SPAG9: variants seen among roughly 807,000 people sequenced by gnomAD.
SPAG9 encodes the protein sperm associated antigen 9.
SPAG9 carries 35 observed loss-of-function variants against 166.5 expected under a neutral mutation model. That is an observed-to-expected ratio of 0.21 (90% CI 0.16 to 0.28). SPAG9 has a LOEUF of 0.28. SPAG9 is among the 10% of genes least tolerant of loss of function. SPAG9 has a pLI of 1.00. For synonymous variants in SPAG9, 534 were observed against 565.5 expected (o/e 0.94, Z 0.79); for missense variants, 1,235 against 1,603.3 (o/e 0.77, Z 3.92).
intron 4 of SPAG9, among the ~76,000 whole-genome samples, chr17:51,041,933 T>C (rs753776986): frequency 1.3e-5 from 2 of 152,166 alleles, no homozygotes; most frequent in Non-Finnish European, 2.9e-5. Flanking sequence ...AAGCAGTCAG[T>C]GGTCTAGTGT....
At chr17:50,971,459 CTTTTTTTTTTTTT>C (rs71353691) in intron 28 of SPAG9, among the ~76,000 whole-genome samples, 6 of 89,872 alleles carry the variant, frequency 6.7e-5, no homozygotes, top group African/African-American at 9.2e-5. Flanking sequence ...TTCAAACTAC[CTTTTTTTTTTTTT>C]TTTTTTTTTT....
At chr17:51,013,740 A>G (rs888727838) in intron 9 of SPAG9, among the ~76,000 whole-genome samples, 2 of 152,220 alleles carry the variant, frequency 1.3e-5, no homozygotes, top group African/African-American at 2.4e-5. Context: ...AAACTTTAAA[A>G]TGATTATATT....
rs372704956 is a variant in SPAG9, at chr17:51,051,388, G to A, written c.496-3919C>T. 8.5e-5 allele frequency among the ~76,000 whole-genome samples: 13 copies of A among 152,248 alleles called. No homozygotes were observed. The East Asian group carries it at 9.7e-4, about 11-fold the overall frequency. ...CTCCCAAAGTGCTGGGATAACAGGC[G>A]TGAGCCACTGCACTCGGCCAAGGTG... is the stretch of plus-strand genomic sequence containing the variant. On this transcript the variant is annotated intron_variant, in intron 3 of 29. Transcript: ENST00000262013.
chr17:51,079,865 T>C (rs550341347), intron 1 of SPAG9, among the ~76,000 whole-genome samples, 161 bp from the exon 2 acceptor site: 15 of 152,310 alleles, frequency 9.8e-5, no homozygotes, highest in African/African-American at 3.4e-4. Context: ...AAAATTAAGT[T>C]TAAAAAACTC....
intron 3 of SPAG9, among the ~76,000 whole-genome samples, chr17:51,053,657 C>A (rs759145781): frequency 6.6e-6 from 1 of 150,750 alleles, no homozygotes. Flanking sequence ...TGCACTCCAG[C>A]CTGGGTGACA....
intron 1 of SPAG9, among the ~76,000 whole-genome samples, chr17:51,107,016 C>A (rs1213276043): frequency 6.6e-6 from 1 of 151,218 alleles, no homozygotes; most frequent in Non-Finnish European, 1.5e-5. Flanking sequence ...GCAGAAGAAT[C>A]GCTTGAACCC....
chr17:51,117,708 C>CAAAAAAAAAAAAAAAAAAAAAAAAAA (rs397856959), intron 1 of SPAG9, among the ~76,000 whole-genome samples: 1 of 41,726 alleles, frequency 2.4e-5, no homozygotes, highest in Non-Finnish European at 3.9e-5. Context: ...GACTCCGTCT[C>CAAAAAAAAAAAAAAAAAAAAAAAAAA]AAAAAAAAAA....
At chr17:51,005,933 G>T in intron 11 of SPAG9, 152 bp downstream of exon 11, 1 of 703,040 alleles carries the variant, frequency 1.4e-6, no homozygotes, top group Non-Finnish European at 2.5e-6. Flanking sequence ...CACAGCAGAG[G>T]CAATGGGCTG....
intron 1 of SPAG9, among the ~76,000 whole-genome samples, chr17:51,081,479 C>T (rs1391639815): frequency 6.6e-6 from 1 of 151,970 alleles, no homozygotes; most frequent in Non-Finnish European, 1.5e-5. Flanking sequence ...AGCAGTGACT[C>T]ATGCCTGTAA....
chr17:51,075,855 G>A (rs369807530), intron 2 of SPAG9, among the ~76,000 whole-genome samples: 6 of 151,964 alleles, frequency 3.9e-5, no homozygotes, highest in African/African-American at 1.4e-4. Context: ...CAGCACTTCA[G>A]GAGGCCGAGG....
At chr17:50,979,972 T>A (rs541022406) in intron 25 of SPAG9, 55 bp from the exon 26 acceptor site, 2 of 1,550,436 alleles carry the variant, frequency 1.3e-6, no homozygotes, top group African/African-American at 2.7e-5. Context: ...ATTTCATATT[T>A]AAAACTGTGC....
intron 4 of SPAG9, among the ~76,000 whole-genome samples, chr17:51,042,937 C>A (rs1243983469): frequency 6.6e-6 from 1 of 152,194 alleles, no homozygotes; most frequent in Non-Finnish European, 1.5e-5. Context: ...GTTGCCCAGA[C>A]TGAAGTACAG....
intron 3 of SPAG9, among the ~76,000 whole-genome samples, chr17:51,050,689 A>G (rs774560855): frequency 1.3e-4 from 20 of 152,264 alleles, no homozygotes; most frequent in Non-Finnish European, 2.6e-4. Flanking sequence ...TAACAATTTA[A>G]ATATTAATAA....
At chr17:50,979,554 C>T (rs1178420289) in intron 26 of SPAG9, among the ~76,000 whole-genome samples, 192 bp downstream of exon 26, 1 of 151,520 alleles carries the variant, frequency 6.6e-6, no homozygotes, top group East Asian at 1.9e-4. Flanking sequence ...GTCCCAGCTA[C>T]TCCGGAGGCT....
rs181471845 is a variant in SPAG9 at position 51,100,032 on chromosome 17, G to A, written c.303+20322C>T. ...AGACAATCACTTGAACCTGGGAGGCGGGAGTTGCAATGGACCGAGATTGTG... is the reference window on the plus strand; with the variant it reads ...AGACAATCACTTGAACCTGGGAGGCAGGAGTTGCAATGGACCGAGATTGTG... On this transcript the variant is annotated intron_variant, in intron 1 of 29. Transcript: ENST00000262013. Among the ~76,000 whole-genome samples, 1,125 of 152,124 alleles carry A rather than the reference G, an allele frequency of 7.4e-3. 6 individuals are homozygous for A. Among genetic ancestry groups the A allele is most frequent in the South Asian group, 0.014 (67 of 4,820 alleles).
intron 23 of SPAG9, 89 bp downstream of exon 23, chr17:50,985,609 G>C (rs753645460): frequency 2.9e-6 from 2 of 692,120 alleles, no homozygotes; most frequent in Non-Finnish European, 4.9e-6. Context: ...ATTTAGTCGT[G>C]AAACATGTAT....
At chr17:51,000,258 C>G (rs1325640567) in intron 13 of SPAG9, among the ~76,000 whole-genome samples, 1 of 152,152 alleles carries the variant, frequency 6.6e-6, no homozygotes, top group Admixed American at 6.5e-5. Flanking sequence ...ATAAGATATT[C>G]CAAATTGATT....
Position 50,989,844 on chromosome 17 carries a change from A to T in SPAG9, c.2646T>A (p.Asp882Glu). ...CTTCTTCTGCTGTTGGAACATTTTC[A>T]TCAACCTCACTATTTTCTGCTTCCA... ...PEMEAENSEV[D>E]ENVPTAEEAT... The change falls in exon 21 of 30, where the codon GAT (aspartate) becomes GAA (glutamate). Residue 882 changes from aspartate to glutamate, a missense_variant. By Grantham distance (45) the Asp-to-Glu change is conservative. Coordinates refer to ENST00000262013, the MANE Select transcript of SPAG9 (RefSeq NM_001130528.3). 1 of 1,614,086 alleles carries T rather than the reference A, an allele frequency of 6.2e-7. No individual in the cohort carries two copies. Among genetic ancestry groups the T allele is most frequent in the Non-Finnish European group, 8.5e-7 (1 of 1,179,992 alleles).
At chr17:51,061,612 CAAAAAAA>C (rs34010166) in intron 2 of SPAG9, among the ~76,000 whole-genome samples, 5 of 31,724 alleles carry the variant, frequency 1.6e-4, no homozygotes, top group Non-Finnish European at 2.4e-4. Flanking sequence ...GCTCTGTCTC[CAAAAAAA>C]AAAAAAAAAA....
Sources: allele counts gnomAD v4.1 joint callset (sites outside exome capture counted in the v4.1 genomes callset), GRCh38; gene constraint gnomAD v4.1.1; transcripts MANE v1.5; gene names NCBI Gene and HGNC (gene_info 2026-07-23, HGNC 2026-07-21).